OPCML: variants seen among roughly 807,000 people sequenced by gnomAD.
OPCML encodes opioid binding protein/cell adhesion molecule like.
OPCML carries 13 observed loss-of-function variants against 37.8 expected under a neutral mutation model. That is an observed-to-expected ratio of 0.34 (90% CI 0.22 to 0.55). The LOEUF (loss-of-function observed/expected upper bound fraction) is 0.55, where lower values mean the gene tolerates loss of function less well. Ranked by LOEUF, OPCML falls within the 20% of genes least tolerant of loss-of-function variation. The pLI is 0.91. For missense variants in OPCML, 341 were observed against 435.6 expected, an observed-to-expected ratio of 0.78 and a Z score of 1.93; for synonymous variants, 176 against 168.8, an observed-to-expected ratio of 1.04 and a Z score of -0.33.
At chr11:132,554,071 G>A (rs1275685869) in intron 3 of OPCML, among the ~76,000 whole-genome samples, 1 of 152,116 alleles carries the variant, frequency 6.6e-6, no homozygotes, top group Non-Finnish European at 1.5e-5. Flanking sequence ...GGAAATTCCT[G>A]GGGCCTGCAG....
chr11:133,390,974 G>A (rs1945162383), intron 1 of OPCML, among the ~76,000 whole-genome samples: 1 of 152,156 alleles, frequency 6.6e-6, no homozygotes, highest in Non-Finnish European at 1.5e-5. Context: ...CTTATGTGCA[G>A]CTTAAAAACA....
intron 1 of OPCML, among the ~76,000 whole-genome samples, chr11:133,103,265 G>A (rs1949111989): frequency 6.6e-6 from 1 of 152,110 alleles, no homozygotes; most frequent in African/African-American, 2.4e-5. Flanking sequence ...TTTCCACACA[G>A]AATACTTGGG....
intron 1 of OPCML, among the ~76,000 whole-genome samples, chr11:133,248,040 G>A (rs925816516): frequency 6.6e-6 from 1 of 152,166 alleles, no homozygotes; most frequent in African/African-American, 2.4e-5. Flanking sequence ...GAATTAGCAG[G>A]CACATAAAGA....
At chr11:133,074,884 C>G (rs181808230) in intron 1 of OPCML, among the ~76,000 whole-genome samples, 3 of 152,086 alleles carry the variant, frequency 2.0e-5, no homozygotes, top group Non-Finnish European at 2.9e-5. Flanking sequence ...AAAAGTTGCC[C>G]GTAATGAGAA....
intron 1 of OPCML, among the ~76,000 whole-genome samples, chr11:133,468,248 T>C (rs1306384491): frequency 6.6e-6 from 1 of 152,232 alleles, no homozygotes; most frequent in Non-Finnish European, 1.5e-5. Flanking sequence ...AGCACAGCAC[T>C]GTGCTTGCCA....
At position 132,658,268 on chromosome 11, in the gene OPCML, G is replaced by A. The variant is rs148752194; in HGVS notation, c.147-949C>T. On this transcript the variant is annotated intron_variant, in intron 2 of 7. Transcript: ENST00000524381. ...CACAAGGACAACCACTCTTGCCAAT[G>A]TCCTGGCAGAGAGAGGAGGGACTTG... 1.1e-4 allele frequency among the ~76,000 whole-genome samples: 17 copies of A among 152,360 alleles called. No individual in the cohort carries two copies. In the East Asian group the frequency reaches 3.3e-3, roughly 29 times the overall value.
chr11:133,193,969 G>A (rs902140852), intron 1 of OPCML, among the ~76,000 whole-genome samples: 1 of 152,168 alleles, frequency 6.6e-6, no homozygotes, highest in African/African-American at 2.4e-5. Context: ...TTTAGAAAAA[G>A]AGGAAGTTTT....
In OPCML at chr11:133,347,058, C is replaced by A. The variant is rs560575147; in HGVS notation, c.61+185206G>T. On this transcript the variant is annotated intron_variant, in intron 1 of 7. Coordinates refer to ENST00000524381, the MANE Select transcript of OPCML (RefSeq NM_001012393.5). ...GAGGGAGAGGATAAACAACTAAATT[C>A]CTGTATTATGTTAAGCACAAAGTTG... 3.9e-5 allele frequency among the ~76,000 whole-genome samples: 6 copies of A among 152,260 alleles called. 2 individuals are homozygous for A. The highest frequency in any genetic ancestry group is 1.4e-4 in the African/African-American group (6 of 41,564).
At chr11:132,729,830 T>C (rs2136005435) in intron 2 of OPCML, among the ~76,000 whole-genome samples, 1 of 152,148 alleles carries the variant, frequency 6.6e-6, no homozygotes, top group East Asian at 1.9e-4. Context: ...CCAGCCCAGG[T>C]ACACATGAAG....
intron 1 of OPCML, among the ~76,000 whole-genome samples, chr11:133,034,836 C>T (rs1485517819): frequency 6.6e-6 from 1 of 151,630 alleles, no homozygotes; most frequent in Non-Finnish European, 1.5e-5. Flanking sequence ...TGCAGGAACC[C>T]TCCATTCTGG....
chr11:133,398,822 T>G (rs989105675), intron 1 of OPCML, among the ~76,000 whole-genome samples: 23 of 151,760 alleles, frequency 1.5e-4, no homozygotes, highest in African/African-American at 4.6e-4. Flanking sequence ...CTTTTTCATC[T>G]CCCGGCCAGG....
At chr11:133,125,581 A>T (rs1017956863) in intron 1 of OPCML, among the ~76,000 whole-genome samples, 3 of 147,924 alleles carry the variant, frequency 2.0e-5, no homozygotes, top group African/African-American at 7.4e-5. Flanking sequence ...AAATATAGAC[A>T]CATGTATATA....
chr11:132,962,953 T>C (rs1946125121), intron 1 of OPCML, among the ~76,000 whole-genome samples: 1 of 152,198 alleles, frequency 6.6e-6, no homozygotes, highest in African/African-American at 2.4e-5. Flanking sequence ...CTGTTTTCTC[T>C]GCCAGACAGA....
intron 1 of OPCML, chr11:133,439,203 T>C: frequency 1.2e-6 from 1 of 839,302 alleles, no homozygotes; most frequent in Non-Finnish European, 1.4e-6. Flanking sequence ...GACTGAGCCC[T>C]TAACCTGCAG....
chr11:133,270,898 G>A (rs1941809280), intron 1 of OPCML, among the ~76,000 whole-genome samples: 1 of 152,194 alleles, frequency 6.6e-6, no homozygotes, highest in South Asian at 2.1e-4. Flanking sequence ...GGCCCAGAGA[G>A]ATTCACAGGG....
chr11:133,381,422 G>C (rs1944925655), intron 1 of OPCML, among the ~76,000 whole-genome samples: 1 of 152,234 alleles, frequency 6.6e-6, no homozygotes, highest in African/African-American at 2.4e-5. Flanking sequence ...ATTCAGCTTG[G>C]AGCAGAGTGT....
intron 1 of OPCML, among the ~76,000 whole-genome samples, chr11:133,048,261 C>G (rs1373772773): frequency 6.6e-6 from 1 of 152,144 alleles, no homozygotes; most frequent in Non-Finnish European, 1.5e-5. Context: ...TTATCTCCAT[C>G]TTATCAGAGA....
At chr11:132,937,613 T>G (rs1945434596) in intron 2 of OPCML, among the ~76,000 whole-genome samples, 3 of 148,084 alleles carry the variant, frequency 2.0e-5, no homozygotes, top group Non-Finnish European at 3.0e-5. Flanking sequence ...TGTGTGTGTG[T>G]GTGTGTGTGT....
At chr11:133,104,442 G>A (rs999626546) in intron 1 of OPCML, among the ~76,000 whole-genome samples, 1 of 152,120 alleles carries the variant, frequency 6.6e-6, no homozygotes, top group East Asian at 1.9e-4. Flanking sequence ...AAAAAAAGAA[G>A]AACATTTTTA....
Sources: gnomAD v4.1 joint callset for allele counts (sites outside exome capture counted in the v4.1 genomes callset) on GRCh38, gnomAD v4.1.1 for gene constraint, MANE v1.5 for transcripts, NCBI Gene and HGNC (gene_info 2026-07-23, HGNC 2026-07-21) for gene names.